The following FAT1 variants were observed in gnomAD, a reference collection of about 807,000 sequenced individuals.
FAT1 encodes protocadherin Fat 1.
A neutral mutation model predicts 329.8 loss-of-function variants in FAT1; 171 were observed. The ratio of observed to expected loss-of-function variants is 0.52; its 90% CI spans 0.46 to 0.59. FAT1 has a LOEUF of 0.59. FAT1 is among the 20% of genes least tolerant of loss of function. The pLI is 0.00. For synonymous variants in FAT1, 2,233 were observed against 2,228.6 expected (o/e 1.00, Z -0.06); for missense variants, 5,672 against 5,774.4 (o/e 0.98, Z 0.57).
At chr4:186,711,996 T>C (rs1215790006) in intron 1 of FAT1, among the ~76,000 whole-genome samples, 1 of 149,486 alleles carries the variant, frequency 6.7e-6, no homozygotes, top group East Asian at 1.9e-4. Flanking sequence ...AGTCACATTA[T>C]GTTTTAGGAG....
In FAT1 at chr4:186,610,014, C is replaced by A. The variant is rs2126460925; in HGVS notation, c.9855G>T (p.Gly3285=). 6.3e-7 allele frequency: 1 copy of A among 1,598,624 alleles called. No homozygotes were observed. Among genetic ancestry groups the A allele is most frequent in the South Asian group, 1.1e-5 (1 of 90,502 alleles). Residue 3285 remains glycine, a splice_region_variant and synonymous_variant, in exon 15 of 27, where the codon GGG becomes GGT. Transcript: ENST00000441802. ...CCAGATTCTCAATGATAAATACGGC[C>A]CCTGAATAGAAATCAAAATTACTTC... ...HGKFSIDSKT[G]AVFIIENLDY...
chr4:186,675,825 A>ACACACACACAC (rs1742931417), intron 2 of FAT1, among the ~76,000 whole-genome samples: 1 of 140,586 alleles, frequency 7.1e-6, no homozygotes, highest in South Asian at 2.3e-4. Context: ...ACACACACAC[A>ACACACACACAC]ATTAATTTTT....
Position 186,617,121 on chromosome 4 carries a change from C to T in FAT1, c.8959G>A (p.Glu2987Lys). 4 of 1,613,780 alleles carry T rather than the reference C, an allele frequency of 2.5e-6. No homozygotes were observed. Among genetic ancestry groups the T allele is most frequent in the Non-Finnish European group, 3.4e-6 (4 of 1,179,796 alleles). Residue 2987 changes from glutamate (E) to lysine (K), a missense_variant, in exon 11 of 27, where the codon GAA (glutamate) becomes AAA (lysine). Physicochemically the swap from Glu to Lys is moderately conservative, Grantham distance 56 (BLOSUM62 1). This residue lies in a region of FAT1 where 3,966 missense variants were observed against 3,915.2 expected (regional missense o/e 1.01). Coordinates refer to ENST00000441802, the MANE Select transcript of FAT1 (RefSeq NM_005245.4). ...KVYVKKPLDR[E>K]KRDNYLLTIT... Reference sequence around the variant, plus strand: ...GTAAGAAGGTAATTGTCCCTTTTTTCCCTGTCTAGAGGTTTCTTCACATAT... The same window carrying T: ...GTAAGAAGGTAATTGTCCCTTTTTTTCCTGTCTAGAGGTTTCTTCACATAT...
intron 3 of FAT1, among the ~76,000 whole-genome samples, chr4:186,642,657 C>T (rs1052045104): frequency 1.3e-5 from 2 of 150,762 alleles, no homozygotes; most frequent in African/African-American, 5.0e-5. Flanking sequence ...TGGGTGGCTA[C>T]GTGCTGCGAT....
chr4:186,686,050 G>T (rs1743444072), intron 2 of FAT1, among the ~76,000 whole-genome samples: 1 of 152,138 alleles, frequency 6.6e-6, no homozygotes, highest in Non-Finnish European at 1.5e-5. Flanking sequence ...GCAAATAAAG[G>T]CCTGAAGAGC....
intron 26 of FAT1, among the ~76,000 whole-genome samples, chr4:186,595,049 G>A (rs949154559): frequency 1.3e-5 from 2 of 151,998 alleles, no homozygotes; most frequent in African/African-American, 4.8e-5. Flanking sequence ...AGTTATCAAT[G>A]CAATTTACCC....
At chr4:186,704,597 A>G (rs1744482411) in intron 2 of FAT1, among the ~76,000 whole-genome samples, 2 of 152,328 alleles carry the variant, frequency 1.3e-5, no homozygotes, top group Non-Finnish European at 2.9e-5. Flanking sequence ...TTGGAGAAGG[A>G]AAAAAAGTAG....
rs1171946790 is a variant in FAT1 at position 186,620,784 on chromosome 4, A to G, written c.5802T>C (p.Gly1934=). 1 of 1,614,030 alleles carries G rather than the reference A, an allele frequency of 6.2e-7. No individual in the cohort carries two copies. Among genetic ancestry groups the G allele is most frequent in the East Asian group, 2.2e-5 (1 of 44,886 alleles). ...GAGTTGTGTTTTGGACAGTGAGAGC[A>G]CCAGTCTTGTAGTCCATAGAAAACT... ...GEKFSMDYKT[G]ALTVQNTTQL... is the part of the protein sequence containing the mutation. Residue 1934 remains glycine (G), a synonymous_variant, in exon 10 of 27, where the codon GGT becomes GGC. Transcript: ENST00000441802.
Position 186,628,233 on chromosome 4 carries a change from A to G in FAT1, c.4731T>C (p.Val1577=). Residue 1577 remains valine (V), a synonymous_variant, in exon 9 of 27, where the codon GTT becomes GTC. Coordinates refer to ENST00000441802, the MANE Select transcript of FAT1 (RefSeq NM_005245.4). The part of the protein sequence containing the change: ...YKGRVYESAA[V]GSVVLQVTAL... The stretch of plus-strand genomic sequence containing the variant: ...CCGTCACCTGCAACACAACTGAGCC[A>G]ACGGCTGCCGATTCATAAACCCGCC... The G allele has an allele frequency of 6.2e-7, 1 of 1,613,954 alleles. No homozygotes were observed. The highest frequency in any genetic ancestry group is 8.5e-7 in the Non-Finnish European group (1 of 1,179,892).
intron 2 of FAT1, among the ~76,000 whole-genome samples, chr4:186,667,289 G>A (rs1254303227): frequency 1.3e-5 from 2 of 152,204 alleles, no homozygotes; most frequent in Non-Finnish European, 2.9e-5. Flanking sequence ...ACCAGGGGGT[G>A]GGGGACAGTC....
intron 26 of FAT1, 107 bp downstream of exon 26, chr4:186,595,582 G>A: frequency 7.6e-7 from 1 of 1,324,370 alleles, no homozygotes; most frequent in South Asian, 1.4e-5. Context: ...CAAGAAAAAT[G>A]AAAATATGGT....
Position 186,709,338 on chromosome 4 carries a change from T to C in FAT1, c.490A>G (p.Ile164Val), listed in dbSNP as rs773398175. 5 of 1,613,890 alleles carry C rather than the reference T, an allele frequency of 3.1e-6. No individual in the cohort carries two copies. In the African/African-American group the frequency reaches 5.3e-5, roughly 17 times the overall value. The change falls in exon 2 of 27, where the codon ATA becomes GTA. Residue 164 changes from isoleucine to valine, a missense_variant. Transcript: ENST00000441802. ...YSVSLPENTA[I>V]RTSIARVSAT... ...CTGACTCTTGCGATACTGGTCCTTA[T>C]AGCTGTGTTTTCAGGTAAAGAAACG...
intron 26 of FAT1, among the ~76,000 whole-genome samples, chr4:186,593,007 A>G (rs1366711542): frequency 6.6e-6 from 1 of 152,222 alleles, no homozygotes; most frequent in Non-Finnish European, 1.5e-5. Context: ...TTTAAACAAA[A>G]AAACTTTTAG....
chr4:186,665,937 C>T (rs1007174741), intron 2 of FAT1, among the ~76,000 whole-genome samples: 1 of 147,304 alleles, frequency 6.8e-6, no homozygotes, highest in East Asian at 2.0e-4. Context: ...ATCGCAAGGA[C>T]AAAAAACCAA....
intron 2 of FAT1, among the ~76,000 whole-genome samples, chr4:186,677,238 C>T (rs958831287): frequency 6.6e-5 from 10 of 152,156 alleles, no homozygotes; most frequent in African/African-American, 2.4e-4. Flanking sequence ...AAACCAATAC[C>T]TGTAAGAACT....
rs748613199 is a variant in FAT1, at chr4:186,603,659, T to G, written c.10867A>C (p.Thr3623Pro). 3 of 1,613,872 alleles carry G rather than the reference T, an allele frequency of 1.9e-6. No homozygotes were observed. The highest frequency in any genetic ancestry group is 2.5e-6 in the Non-Finnish European group (3 of 1,179,886). The change falls in exon 19 of 27, where the codon ACG becomes CCG. Residue 3623 changes from threonine to proline, a missense_variant. By Grantham distance (38) the Thr-to-Pro change is conservative. Transcript: ENST00000441802. ...ATATGCACTGTGATGTCGGCCACCG[T>G]CGTGAACTTCCCATCTGTTACGCTG... ...NVSVTDGKFT[T>P]VADITVHIRQ...
chr4:186,681,507 G>T (rs1661086092), intron 2 of FAT1, among the ~76,000 whole-genome samples: 1 of 152,166 alleles, frequency 6.6e-6, no homozygotes, highest in South Asian at 2.1e-4. Flanking sequence ...GTTCGGAAGA[G>T]AACTTAGAAT....
At chr4:186,590,733 A>G (rs1738202303) in intron 26 of FAT1, 1 of 452,104 alleles carries the variant, frequency 2.2e-6, no homozygotes, top group Non-Finnish European at 4.4e-6. Context: ...AATGAAAACA[A>G]AACAAACAGG....
intron 1 of FAT1, among the ~76,000 whole-genome samples, chr4:186,723,103 A>C (rs1317849957): frequency 5.9e-5 from 9 of 152,238 alleles, no homozygotes; most frequent in Admixed American, 5.9e-4. Context: ...AGATCTTAGA[A>C]GTTCCTCCTC....
Sources: gnomAD v4.1 joint callset for allele counts (sites outside exome capture counted in the v4.1 genomes callset) on GRCh38, gnomAD v4.1.1 for gene constraint, gnomAD v4.1.1 regional missense constraint, MANE v1.5 for transcripts, NCBI Gene and HGNC (gene_info 2026-07-23, HGNC 2026-07-21) for gene names.